The following TAC3 variants were observed in gnomAD, a reference collection of about 807,000 sequenced individuals.
The protein encoded by TAC3 is tachykinin-3.
In TAC3, 9 loss-of-function variants were observed where a neutral mutation model predicts 16.5. That is an observed-to-expected ratio of 0.55 (90% confidence interval 0.33 to 0.95). TAC3 has a LOEUF of 0.95. Among genes scored for constraint, TAC3 ranks in the 40% least tolerant of loss-of-function variants. TAC3 has a pLI of 0.03. For synonymous variants in TAC3, 52 were observed against 56.7 expected (o/e 0.92, Z 0.37); for missense variants, 129 against 149.1 (o/e 0.87, Z 0.70).
At chr12:57,012,248 G>A in intron 6 of TAC3, 130 bp downstream of exon 6, 1 of 828,402 alleles carries the variant, frequency 1.2e-6, no homozygotes, top group African/African-American at 1.7e-5. Context: ...CAGTGTGCTG[G>A]GCATTGGCAG....
intron 5 of TAC3, 160 bp from the exon 6 acceptor site, chr12:57,012,612 C>G (rs1324393159): frequency 5.0e-6 from 8 of 1,612,640 alleles, no homozygotes; most frequent in Non-Finnish European, 5.9e-6. Flanking sequence ...CCAGCTGCAA[C>G]AGGACTACCT....
rs145029287 is a variant in TAC3, at chr12:57,013,668, C to G, written c.118G>C (p.Asp40His). The change falls in exon 3 of 7, where the codon GAT (aspartate) becomes CAT (histidine). Residue 40 changes from aspartate (D) to histidine (H), a missense_variant. By Grantham distance (81) the Asp-to-His change is moderately conservative (BLOSUM62 -1). Coordinates refer to ENST00000458521, the MANE Select transcript of TAC3 (RefSeq NM_013251.4). ...VVPGGGRSKR[D>H]PDLYQLLQRL... ...TGGAGCAGCTGGTAGAGATCTGGAT[C>G]CCTCTAGGGAAGAAACAAAGAGGGG... The G allele has an allele frequency of 6.2e-7, 1 of 1,611,712 alleles. No homozygotes were observed. The highest frequency in any genetic ancestry group is 2.2e-5 in the East Asian group (1 of 44,858).
chr12:57,015,070 A>G (rs1296744726), intron 2 of TAC3, among the ~76,000 whole-genome samples: 1 of 152,062 alleles, frequency 6.6e-6, no homozygotes, highest in Non-Finnish European at 1.5e-5. Context: ...TCGAGGCTCA[A>G]TCTGGTTTTT....
At chr12:57,016,120 A>T (rs1290535370) in intron 1 of TAC3, among the ~76,000 whole-genome samples, 1 of 152,152 alleles carries the variant, frequency 6.6e-6, no homozygotes, top group Non-Finnish European at 1.5e-5. Flanking sequence ...CTGTTTCCTC[A>T]GTCAGCTGGA....
At chr12:57,013,789 C>T in intron 2 of TAC3, 118 bp from the exon 3 acceptor site, 1 of 882,774 alleles carries the variant, frequency 1.1e-6, no homozygotes, top group African/African-American at 1.7e-5. Context: ...CTATTTCTTT[C>T]AGAGTTTCCT....
intron 6 of TAC3, chr12:57,012,126 ACACT>A: frequency 1.9e-6 from 1 of 530,052 alleles, no homozygotes; most frequent in South Asian, 2.1e-5. Context: ...TCATCTCCCA[ACACT>A]CACTCCTGCT....
At chr12:57,011,468 G>A (rs1013708706) in intron 6 of TAC3, among the ~76,000 whole-genome samples, 3 of 152,176 alleles carry the variant, frequency 2.0e-5, no homozygotes, top group East Asian at 3.9e-4. Context: ...CGGAAGGTTC[G>A]TGTTTTGACT....
rs758744598 is a variant in TAC3 at position 57,013,416 on chromosome 12, T to C, written c.209-28A>G. 4.3e-6 allele frequency: 7 copies of C among 1,613,952 alleles called. No individual in the cohort carries two copies. The South Asian group carries it at 7.7e-5, about 18-fold the overall frequency. ...GTGAAACCAAGAACAGATGTCTAAATGGGGAGTGAAGTTGGAAAGTGATGA... is the reference window on the plus strand; with the variant it reads ...GTGAAACCAAGAACAGATGTCTAAACGGGGAGTGAAGTTGGAAAGTGATGA... On this transcript the variant is annotated intron_variant, in intron 3 of 6. Transcript: ENST00000458521.
Position 57,010,124 on chromosome 12 carries a change from TG to T in TAC3, c.*165del, listed in dbSNP as rs1956277634. 1 of 453,934 alleles carries T rather than the reference TG, an allele frequency of 2.2e-6. No homozygotes were observed. The highest frequency in any genetic ancestry group is 2.0e-5 in the African/African-American group (1 of 49,972). The allele number at this position is 453,934 out of a possible 1,614,324, so 28.1% of individuals were successfully genotyped here. Reference sequence around the variant, plus strand: ...CCATTGGGGTTGGGGATATTCACTATGCAGTTTCCACACCAGGGTCAGGTAG... The same window carrying T: ...CCATTGGGGTTGGGGATATTCACTATCAGTTTCCACACCAGGGTCAGGTAG... On this transcript the variant is annotated 3_prime_UTR_variant, in exon 7 of 7. Transcript: ENST00000458521.
intron 5 of TAC3, 135 bp from the exon 6 acceptor site, chr12:57,012,587 T>C (rs1324415103): frequency 6.2e-7 from 1 of 1,605,328 alleles, no homozygotes; most frequent in South Asian, 1.1e-5. Context: ...AAGCAGAGTC[T>C]CCCTATCCTT....
At chr12:57,015,313 C>G (rs1450557472) in intron 2 of TAC3, among the ~76,000 whole-genome samples, 1 of 152,094 alleles carries the variant, frequency 6.6e-6, no homozygotes. Context: ...TTCATACCAT[C>G]CAGGAAATAG....
chr12:57,012,418 G>A lies in TAC3; in HGVS notation c.327C>T (p.Pro109=). 1 of 1,613,966 alleles carries A rather than the reference G, an allele frequency of 6.2e-7. No individual in the cohort carries two copies. The highest frequency in any genetic ancestry group is 8.5e-7 in the Non-Finnish European group (1 of 1,179,990). Residue 109 remains proline, a synonymous_variant, in exon 6 of 7, where the codon CCC becomes CCT. Coordinates refer to ENST00000458521, the MANE Select transcript of TAC3 (RefSeq NM_013251.4). ...SPTDVNQENV[P]SFGILKYPPR... ...GGGGATACTTGAGGATGCCAAAGCT[G>A]GGGACGTTCTCTTGATTCACATCCG...
intron 5 of TAC3, 98 bp downstream of exon 5, chr12:57,012,724 T>C (rs754999754): frequency 6.2e-7 from 1 of 1,613,478 alleles, no homozygotes; most frequent in South Asian, 1.1e-5. Context: ...GTAAGAAAGG[T>C]CCTGTCTTTC....
At chr12:57,011,915 G>A (rs1956302803) in intron 6 of TAC3, among the ~76,000 whole-genome samples, 1 of 152,222 alleles carries the variant, frequency 6.6e-6, no homozygotes, top group Admixed American at 6.5e-5. Context: ...TCATCCTTGT[G>A]TATGACTACC....
intron 1 of TAC3, among the ~76,000 whole-genome samples, chr12:57,016,019 A>AT: frequency 6.6e-6 from 1 of 152,128 alleles, no homozygotes; most frequent in East Asian, 1.9e-4. Flanking sequence ...ACCCCATCAG[A>AT]TATCTCCCCA....
At chr12:57,013,905 C>T (rs558202525) in intron 2 of TAC3, among the ~76,000 whole-genome samples, 1 of 152,312 alleles carries the variant, frequency 6.6e-6, no homozygotes, top group South Asian at 2.1e-4. Context: ...CTTGTTCCTA[C>T]CCCAGACCTC....
chr12:57,012,235 C>T (rs1030023652), intron 6 of TAC3, 143 bp downstream of exon 6: 16 of 757,626 alleles, frequency 2.1e-5, no homozygotes, highest in African/African-American at 1.4e-4. Context: ...TGTGTTTGGC[C>T]GACAGTGTGC....
intron 5 of TAC3, 145 bp downstream of exon 5, chr12:57,012,677 T>C: frequency 6.2e-7 from 1 of 1,613,020 alleles, no homozygotes; most frequent in Non-Finnish European, 8.5e-7. Context: ...GGATCCAAGC[T>C]GATTGGGATG....
chr12:57,013,554 C>A lies in TAC3; in HGVS notation c.208+24G>T, dbSNP rs529536816. ...CTTCAGAATCCTGCCCCTCATTCCC[C>A]TCTCCCCTAGGGCCGCCTCCTACCT... On this transcript the variant is annotated intron_variant, in intron 3 of 6. Coordinates refer to ENST00000458521, the MANE Select transcript of TAC3 (RefSeq NM_013251.4). 5.0e-6 allele frequency: 8 copies of A among 1,610,230 alleles called. No individual in the cohort carries two copies. In the East Asian group the frequency reaches 1.8e-4, roughly 36 times the overall value.
Sources: gnomAD v4.1 joint callset for allele counts (sites outside exome capture counted in the v4.1 genomes callset) on GRCh38, gnomAD v4.1.1 for gene constraint, MANE v1.5 for transcripts, NCBI Gene and HGNC (gene_info 2026-07-23, HGNC 2026-07-21) for gene names.